The following WWOX variants were observed in gnomAD, a reference collection of about 807,000 sequenced individuals.
The protein encoded by WWOX is WW domain containing oxidoreductase, also known as WW domain-containing oxidoreductase.
Under a neutral mutation model 46.2 loss-of-function variants are expected in WWOX, and 69 were observed. That is an observed-to-expected ratio of 1.49 (90% CI 1.23 to 1.82). The LOEUF (loss-of-function observed/expected upper bound fraction) is 1.82, where lower values mean the gene tolerates loss of function less well. Ranked by LOEUF, WWOX falls within the 40% of genes most tolerant of loss-of-function variation. The pLI is 0.00. For synonymous variants in WWOX, 359 were observed against 202.6 expected (o/e 1.77, Z -6.56); for missense variants, 919 against 542.6 (o/e 1.69, Z -6.89).
Position 78,336,594 on chromosome 16 carries a change from G to A in WWOX, c.517-50266G>A, listed in dbSNP as rs1001675780. ...TGTGGAAGACAATAGGGAGTGTTGAGGACCTGTCAAACAACACAGTCCCCA... is the reference window on the plus strand; with the variant it reads ...TGTGGAAGACAATAGGGAGTGTTGAAGACCTGTCAAACAACACAGTCCCCA... On this transcript the variant is annotated intron_variant, in intron 5 of 8. Coordinates refer to ENST00000566780, the MANE Select transcript of WWOX (RefSeq NM_016373.4). Among the ~76,000 whole-genome samples the A allele has an allele frequency of 4.0e-5, 6 of 151,524 alleles. 1 individual carries two copies.
rs137873174 is a variant in WWOX at position 78,978,855 on chromosome 16, G to A, written c.1057-232753G>A. ...CCCACCAGGCCCCACCTCCAACACT[G>A]GGGATTACAATTCAACATGAGATTT... is the stretch of plus-strand genomic sequence containing the variant. On this transcript the variant is annotated intron_variant, in intron 8 of 8. Transcript: ENST00000566780. Among the ~76,000 whole-genome samples the A allele has an allele frequency of 2.3e-3, 355 of 152,208 alleles. 2 individuals are homozygous for A. Among genetic ancestry groups the A allele is most frequent in the African/African-American group, 7.7e-3 (322 of 41,550 alleles).
intron 8 of WWOX, among the ~76,000 whole-genome samples, chr16:78,453,579 G>C (rs778470524): frequency 4.6e-5 from 7 of 152,136 alleles, no homozygotes; most frequent in African/African-American, 9.7e-5. Flanking sequence ...TATGCAGTTA[G>C]AAAATCTGTC....
intron 8 of WWOX, among the ~76,000 whole-genome samples, chr16:79,014,757 T>C (rs1430417835): frequency 1.3e-5 from 2 of 152,204 alleles, no homozygotes; most frequent in Admixed American, 6.5e-5. Flanking sequence ...AGTAAGTGGA[T>C]TCGAGTTAGT....
intron 8 of WWOX, among the ~76,000 whole-genome samples, chr16:79,163,848 G>A: frequency 7.7e-6 from 1 of 129,434 alleles, no homozygotes; most frequent in African/African-American, 3.0e-5. Context: ...AGGGGGAAAA[G>A]AGAGAAAGTG....
chr16:78,165,203 G>T lies in WWOX; in HGVS notation c.516+914G>T, dbSNP rs116265469. Among the ~76,000 whole-genome samples, 1,464 of 152,294 alleles carry T rather than the reference G, an allele frequency of 9.6e-3. 13 individuals carry two copies. Among genetic ancestry groups the T allele is most frequent in the Middle Eastern group, 0.02 (6 of 294 alleles). On this transcript the variant is annotated intron_variant, in intron 5 of 8. Coordinates refer to ENST00000566780, the MANE Select transcript of WWOX (RefSeq NM_016373.4). ...AGCTAGAGAGTGATGCGAGCTGTTTGATTTTTGAAACATCGCTGGATTTCA... is the reference window on the plus strand; with the variant it reads ...AGCTAGAGAGTGATGCGAGCTGTTTTATTTTTGAAACATCGCTGGATTTCA...
At chr16:78,679,291 C>T (rs1416914347) in intron 8 of WWOX, among the ~76,000 whole-genome samples, 1 of 152,190 alleles carries the variant, frequency 6.6e-6, no homozygotes, top group Non-Finnish European at 1.5e-5. Context: ...TGGGTTGCGC[C>T]TGTAATCCCA....
intron 5 of WWOX, among the ~76,000 whole-genome samples, chr16:78,317,144 G>T (rs998329684): frequency 6.6e-6 from 1 of 152,206 alleles, no homozygotes; most frequent in African/African-American, 2.4e-5. Context: ...GAATGGAGGA[G>T]TAAGGGAAGG....
chr16:78,540,893 C>T (rs962539151), intron 8 of WWOX, among the ~76,000 whole-genome samples: 3 of 152,034 alleles, frequency 2.0e-5, no homozygotes, highest in Non-Finnish European at 4.4e-5. Flanking sequence ...ACTTTGCTGC[C>T]TAGGCTGATC....
chr16:79,101,540 A>C (rs536043477), intron 8 of WWOX: 1 of 152,186 alleles, frequency 6.6e-6, no homozygotes, highest in South Asian at 2.1e-4. Flanking sequence ...AAGTGGGTCT[A>C]CAGTGGGTCC....
chr16:78,545,769 G>A (rs747189725), intron 8 of WWOX, among the ~76,000 whole-genome samples: 1 of 152,090 alleles, frequency 6.6e-6, no homozygotes, highest in Non-Finnish European at 1.5e-5. Context: ...TTGCTGGCAG[G>A]GTCTCTCTGA....
chr16:78,558,071 C>G (rs935740391), intron 8 of WWOX, among the ~76,000 whole-genome samples: 1 of 152,070 alleles, frequency 6.6e-6, no homozygotes, highest in Admixed American at 6.6e-5. Flanking sequence ...ACTTAGGTCA[C>G]AGATGTGGGG....
At chr16:79,067,274 C>T (rs2048458858) in intron 8 of WWOX, among the ~76,000 whole-genome samples, 1 of 152,196 alleles carries the variant, frequency 6.6e-6, no homozygotes, top group African/African-American at 2.4e-5. Flanking sequence ...TTTCTAAAAT[C>T]AGAGTAAAAG....
At chr16:78,612,956 A>T (rs1022480473) in intron 8 of WWOX, among the ~76,000 whole-genome samples, 1 of 152,196 alleles carries the variant, frequency 6.6e-6, no homozygotes, top group Non-Finnish European at 1.5e-5. Flanking sequence ...TGGGGTCACT[A>T]CCAACCTTGC....
intron 8 of WWOX, among the ~76,000 whole-genome samples, chr16:79,062,842 T>C (rs2048379211): frequency 6.6e-6 from 1 of 152,146 alleles, no homozygotes; most frequent in African/African-American, 2.4e-5. Context: ...ATTATAAATG[T>C]CGAATCGGCA....
At chr16:78,985,834 C>T (rs887801153) in intron 8 of WWOX, among the ~76,000 whole-genome samples, 19 of 152,204 alleles carry the variant, frequency 1.2e-4, no homozygotes, top group East Asian at 3.8e-4. Flanking sequence ...CTGACCACTC[C>T]GGAAGGAGTG....
intron 8 of WWOX, among the ~76,000 whole-genome samples, chr16:78,652,059 G>T (rs1030357598): frequency 3.3e-5 from 5 of 152,070 alleles, no homozygotes; most frequent in African/African-American, 7.2e-5. Context: ...TACCTATGAG[G>T]CCTCATGATA....
intron 8 of WWOX, among the ~76,000 whole-genome samples, chr16:78,957,327 T>G (rs962589794): frequency 1.3e-5 from 2 of 152,254 alleles, no homozygotes; most frequent in Non-Finnish European, 1.5e-5. Flanking sequence ...GATGCTGTTT[T>G]GAGATCACAA....
chr16:78,203,729 A>G (rs531849689), intron 5 of WWOX, among the ~76,000 whole-genome samples: 1 of 152,304 alleles, frequency 6.6e-6, no homozygotes, highest in African/African-American at 2.4e-5. Flanking sequence ...GGGAGCAGGT[A>G]AAATAATGAG....
chr16:79,020,892 A>AT (rs995870660), intron 8 of WWOX, among the ~76,000 whole-genome samples: 11 of 151,686 alleles, frequency 7.3e-5, no homozygotes, highest in South Asian at 6.2e-4. Flanking sequence ...CTGTTTATAG[A>AT]TTTTTTTTTA....
Sources: gnomAD v4.1 joint callset for allele counts (sites outside exome capture counted in the v4.1 genomes callset) on GRCh38, gnomAD v4.1.1 for gene constraint, MANE v1.5 for transcripts, NCBI Gene and HGNC (gene_info 2026-07-23, HGNC 2026-07-21) for gene names.